THOC7: variants seen among roughly 807,000 people sequenced by gnomAD.
THOC7 encodes the protein NIF3L1-binding protein 1.
THOC7 carries 22 observed loss-of-function variants against 33.1 expected under a neutral mutation model. The ratio of observed to expected loss-of-function variants is 0.66; its 90% CI spans 0.47 to 0.95. The LOEUF is 0.95. THOC7 is among the 40% of genes least tolerant of loss of function. The probability of loss-of-function intolerance (pLI) is 0.00; values close to 1 mark genes in which losing one functional copy is unlikely to be tolerated. For missense variants in THOC7, 184 were observed against 245.3 expected (o/e 0.75, Z 1.67); for synonymous variants, 77 against 76.8 (o/e 1.00, Z -0.01).
chr3:63,841,815 A>G (rs1701767013), intron 1 of THOC7, among the ~76,000 whole-genome samples: 1 of 152,214 alleles, frequency 6.6e-6, no homozygotes, highest in Non-Finnish European at 1.5e-5. Context: ...TCTTACTACA[A>G]ATGTTTTAAG....
intron 1 of THOC7, among the ~76,000 whole-genome samples, chr3:63,846,634 C>T (rs1481957490): frequency 6.6e-6 from 1 of 152,112 alleles, no homozygotes; most frequent in Non-Finnish European, 1.5e-5. Flanking sequence ...GGTTCTCAAA[C>T]TCCTGACCTC....
At chr3:63,858,540 C>T (rs950078645) in intron 1 of THOC7, among the ~76,000 whole-genome samples, 1 of 152,144 alleles carries the variant, frequency 6.6e-6, no homozygotes, top group Non-Finnish European at 1.5e-5. Context: ...ACCCCTTTCT[C>T]CATCTCTCAT....
At chr3:63,857,991 G>A (rs1402451420) in intron 1 of THOC7, among the ~76,000 whole-genome samples, 1 of 151,976 alleles carries the variant, frequency 6.6e-6, no homozygotes, top group Non-Finnish European at 1.5e-5. Flanking sequence ...GGAAGAAAGT[G>A]GGCAAATGCA....
At chr3:63,841,439 C>T (rs1163904969) in intron 1 of THOC7, among the ~76,000 whole-genome samples, 1 of 152,098 alleles carries the variant, frequency 6.6e-6, no homozygotes, top group Non-Finnish European at 1.5e-5. Flanking sequence ...GTGAATAATT[C>T]CTGGAGAGCC....
intron 1 of THOC7, among the ~76,000 whole-genome samples, chr3:63,855,983 TTTGAC>T (rs1258379935): frequency 6.6e-6 from 1 of 152,200 alleles, no homozygotes; most frequent in African/African-American, 2.4e-5. Context: ...ACATATACCT[TTTGAC>T]TTATCTTTTA....
chr3:63,859,515 A>G (rs1331515335), intron 1 of THOC7, among the ~76,000 whole-genome samples: 3 of 152,222 alleles, frequency 2.0e-5, no homozygotes, highest in Non-Finnish European at 2.9e-5. Flanking sequence ...TATCTGGAAT[A>G]CTTTCCTGGG....
intron 2 of THOC7, 36 bp from the exon 3 acceptor site, chr3:63,838,535 T>A: frequency 1.3e-6 from 2 of 1,569,938 alleles, no homozygotes; most frequent in Non-Finnish European, 1.7e-6. Context: ...ATAAAGATAT[T>A]TGTGGACTGA....
chr3:63,860,560 T>C (rs1199015641), intron 1 of THOC7: 1 of 152,150 alleles, frequency 6.6e-6, no homozygotes, highest in Non-Finnish European at 1.5e-5. Context: ...AAGATTGCCT[T>C]CTCTCATGAA....
At chr3:63,855,020 A>G (rs1412809838) in intron 1 of THOC7, among the ~76,000 whole-genome samples, 2 of 152,082 alleles carry the variant, frequency 1.3e-5, no homozygotes, top group South Asian at 2.1e-4. Context: ...AAAAAAAAAA[A>G]AGAAAGAAAA....
rs1701764766 is a variant in THOC7 at position 63,841,707 on chromosome 3, T to C, written c.20-1934A>G. ...TAAAAATACAAACTAATGCTTTCGG[T>C]TTTTTAACCACCAACATTATTATCT... is the stretch of plus-strand genomic sequence containing the variant. On this transcript the variant is annotated intron_variant, in intron 1 of 7. Transcript: ENST00000295899. Among the ~76,000 whole-genome samples, 3 of 152,194 alleles carry C rather than the reference T, an allele frequency of 2.0e-5. 1 individual carries two copies. In the South Asian group the frequency reaches 6.2e-4, roughly 31 times the overall value.
At chr3:63,853,170 A>AG (rs1702049968) in intron 1 of THOC7, among the ~76,000 whole-genome samples, 1 of 151,588 alleles carries the variant, frequency 6.6e-6, no homozygotes, top group Admixed American at 6.6e-5. Flanking sequence ...AAAAAAAAAA[A>AG]AAAAAAGAAT....
In THOC7 at chr3:63,838,335, A is replaced by G. The variant is rs148417476; in HGVS notation, c.265+37T>C. 5.8e-4 allele frequency: 787 copies of G among 1,358,838 alleles called. 5 individuals carry two copies. The highest frequency in any genetic ancestry group is 1.6e-4 in the Non-Finnish European group (161 of 985,658). 84.2% of individuals were successfully genotyped at this position (1,358,838 alleles called of 1,614,324 possible). ...GGTATTGTTTCCTTTAGACCATAAA[A>G]AATAAAATTACAGATAGAAACATTA... On this transcript the variant is annotated intron_variant, in intron 3 of 7. Transcript: ENST00000295899.
chr3:63,846,394 T>C (rs1349736808), intron 1 of THOC7, among the ~76,000 whole-genome samples: 2 of 152,084 alleles, frequency 1.3e-5, no homozygotes, highest in Non-Finnish European at 2.9e-5. Flanking sequence ...GTCTTACTAG[T>C]AACTTATTAT....
At chr3:63,835,457 C>T in intron 5 of THOC7, 67 bp from the exon 6 acceptor site, 2 of 1,418,308 alleles carry the variant, frequency 1.4e-6, no homozygotes, top group East Asian at 4.6e-5. Context: ...TAATGCCTAA[C>T]TTTTAAGTTA....
upstream of THOC7, chr3:63,863,827 A>G: frequency 8.6e-7 from 1 of 1,169,432 alleles, no homozygotes; most frequent in Non-Finnish European, 1.1e-6. Flanking sequence ...CGGCGGCGCA[A>G]GCTGAGGCGG....
intron 1 of THOC7, among the ~76,000 whole-genome samples, chr3:63,842,068 T>G (rs1429598557): frequency 6.6e-6 from 1 of 152,088 alleles, no homozygotes; most frequent in East Asian, 1.9e-4. Flanking sequence ...GAAAAAATAT[T>G]AATAGATCTA....
chr3:63,847,252 T>C (rs536969466), intron 1 of THOC7, among the ~76,000 whole-genome samples: 1 of 152,324 alleles, frequency 6.6e-6, no homozygotes, highest in East Asian at 1.9e-4. Context: ...AGTCATAATT[T>C]TGGTTGAAAA....
chr3:63,838,294 A>G, intron 3 of THOC7, 78 bp downstream of exon 3: 2 of 1,093,124 alleles, frequency 1.8e-6, no homozygotes, highest in Non-Finnish European at 2.6e-6. Flanking sequence ...TTTACCACCA[A>G]AGAAAATTGT....
At chr3:63,840,861 G>A (rs1474416375) in intron 1 of THOC7, among the ~76,000 whole-genome samples, 1 of 152,184 alleles carries the variant, frequency 6.6e-6, no homozygotes, top group Non-Finnish European at 1.5e-5. Flanking sequence ...GTAATTCTTT[G>A]TAGGGCCACT....
Sources: gnomAD v4.1 joint callset for allele counts (sites outside exome capture counted in the v4.1 genomes callset) on GRCh38, gnomAD v4.1.1 for gene constraint, MANE v1.5 for transcripts, NCBI Gene and HGNC (gene_info 2026-07-23, HGNC 2026-07-21) for gene names.